Variants in HS6ST3 observed in about 807,000 individuals in gnomAD.
HS6ST3 encodes heparan sulfate 6-O-sulfotransferase 3, also known as heparan-sulfate 6-O-sulfotransferase 3.
A neutral mutation model predicts 36.7 loss-of-function variants in HS6ST3; 12 were observed. The observed-to-expected ratio is 0.33, with a 90% CI of 0.21 to 0.53. The LOEUF (loss-of-function observed/expected upper bound fraction) is 0.53, where lower values mean the gene tolerates loss of function less well. HS6ST3 is among the 20% of genes least tolerant of loss of function. HS6ST3 has a pLI of 0.95. For missense variants in HS6ST3, 584 were observed against 640.9 expected (o/e 0.91, Z 0.96); for synonymous variants, 240 against 257.5 (o/e 0.93, Z 0.65).
At chr13:96,151,687 C>T (rs1338438956) in intron 1 of HS6ST3, among the ~76,000 whole-genome samples, 2 of 152,170 alleles carry the variant, frequency 1.3e-5, no homozygotes, top group African/African-American at 2.4e-5. Context: ...ACCAAGGTGT[C>T]GGCAGGGCCA....
chr13:96,522,523 C>G (rs1268545460), intron 1 of HS6ST3, among the ~76,000 whole-genome samples: 1 of 152,174 alleles, frequency 6.6e-6, no homozygotes, highest in Non-Finnish European at 1.5e-5. Flanking sequence ...CTTTATGAAT[C>G]TGGGTGCTCC....
intron 1 of HS6ST3, among the ~76,000 whole-genome samples, chr13:96,306,602 T>C (rs944292026): frequency 2.6e-5 from 4 of 152,140 alleles, no homozygotes; most frequent in African/African-American, 7.2e-5. Context: ...TGCTCATAAG[T>C]TCTTTATCCT....
Position 96,588,816 on chromosome 13 carries a change from G to A in HS6ST3, c.708-243674G>A, listed in dbSNP as rs75303734. 9.5e-3 allele frequency among the ~76,000 whole-genome samples: 1,451 copies of A among 152,062 alleles called. 26 individuals are homozygous for A. Among genetic ancestry groups the A allele is most frequent in the African/African-American group, 0.032 (1,348 of 41,502 alleles). On this transcript the variant is annotated intron_variant, in intron 1 of 1. Transcript: ENST00000376705. ...TGTAATTCTGGCACTTTGGGAAGCC[G>A]AGGCAAGTGGATTGCTTGATCCCAG...
intron 1 of HS6ST3, among the ~76,000 whole-genome samples, chr13:96,245,400 CA>C (rs2054579996): frequency 6.6e-6 from 1 of 152,128 alleles, no homozygotes; most frequent in Non-Finnish European, 1.5e-5. Flanking sequence ...TTATTTTTTC[CA>C]TCTCAAGTCT....
chr13:96,614,309 A>C lies in HS6ST3; in HGVS notation c.708-218181A>C, dbSNP rs1256626112. Among the ~76,000 whole-genome samples the C allele has an allele frequency of 3.6e-3, 531 of 149,244 alleles. 7 individuals are homozygous for C. The highest frequency in any genetic ancestry group is 6.9e-3 in the Middle Eastern group (2 of 290). ...CAAGGATCCATCTCAAAAAAAAAAA[A>C]AAAAAAAAAAAAAAAAAAACAGTTA... On this transcript the variant is annotated intron_variant, in intron 1 of 1. Coordinates refer to ENST00000376705, the MANE Select transcript of HS6ST3 (RefSeq NM_153456.4).
intron 1 of HS6ST3, among the ~76,000 whole-genome samples, chr13:96,245,401 A>T (rs983423804): frequency 6.6e-6 from 1 of 152,136 alleles, no homozygotes; most frequent in African/African-American, 2.4e-5. Context: ...TATTTTTTCC[A>T]TCTCAAGTCT....
intron 1 of HS6ST3, among the ~76,000 whole-genome samples, chr13:96,370,951 C>T (rs1045605886): frequency 6.6e-6 from 1 of 152,030 alleles, no homozygotes; most frequent in African/African-American, 2.4e-5. Flanking sequence ...TACTCTATGC[C>T]TGTATTACTA....
intron 1 of HS6ST3, among the ~76,000 whole-genome samples, chr13:96,498,058 CA>C (rs1379835841): frequency 6.6e-6 from 1 of 152,132 alleles, no homozygotes; most frequent in East Asian, 1.9e-4. Flanking sequence ...GATGCTTTTA[CA>C]GGGGTAGAAA....
intron 1 of HS6ST3, among the ~76,000 whole-genome samples, chr13:96,780,219 G>C (rs960650558): frequency 6.6e-6 from 1 of 152,200 alleles, no homozygotes; most frequent in Non-Finnish European, 1.5e-5. Flanking sequence ...TCCATGCAGA[G>C]AGACTGATGG....
intron 1 of HS6ST3, among the ~76,000 whole-genome samples, chr13:96,607,578 T>C (rs1242737439): frequency 6.6e-6 from 1 of 152,208 alleles, no homozygotes; most frequent in African/African-American, 2.4e-5. Context: ...GATGGCCATA[T>C]GAACTGAGAG....
chr13:96,681,051 G>A (rs1467915541), intron 1 of HS6ST3, among the ~76,000 whole-genome samples: 1 of 152,174 alleles, frequency 6.6e-6, no homozygotes, highest in Non-Finnish European at 1.5e-5. Flanking sequence ...CTCAAAACGT[G>A]CCATATAGAT....
intron 1 of HS6ST3, among the ~76,000 whole-genome samples, chr13:96,284,648 C>T (rs1307999412): frequency 1.3e-5 from 2 of 152,148 alleles, no homozygotes; most frequent in African/African-American, 4.8e-5. Context: ...CACCCAGGAA[C>T]AGTACTTTGC....
intron 1 of HS6ST3, among the ~76,000 whole-genome samples, chr13:96,332,277 A>C (rs373039795): frequency 6.6e-6 from 1 of 152,192 alleles, no homozygotes; most frequent in Non-Finnish European, 1.5e-5. Context: ...GTTACACAAC[A>C]GTTTTGTAGA....
intron 1 of HS6ST3, among the ~76,000 whole-genome samples, chr13:96,108,869 C>A (rs1001677001): frequency 7.2e-5 from 11 of 152,130 alleles, no homozygotes; most frequent in Admixed American, 5.2e-4. Flanking sequence ...CCTTCAGTAT[C>A]CCATCAGGTG....
At chr13:96,155,761 A>C (rs190403493) in intron 1 of HS6ST3, among the ~76,000 whole-genome samples, 1 of 152,208 alleles carries the variant, frequency 6.6e-6, no homozygotes, top group Admixed American at 6.5e-5. Flanking sequence ...GTCAAAATAT[A>C]TGAAATTTTG....
chr13:96,270,189 G>A (rs1276206186), intron 1 of HS6ST3, among the ~76,000 whole-genome samples: 2 of 151,774 alleles, frequency 1.3e-5, no homozygotes, highest in Admixed American at 1.3e-4. Context: ...TGCACAAAGA[G>A]GTCATGTGAG....
chr13:96,492,652 A>G (rs555637383), intron 1 of HS6ST3, among the ~76,000 whole-genome samples: 1 of 152,264 alleles, frequency 6.6e-6, no homozygotes, highest in African/African-American at 2.4e-5. Context: ...ACCCTAATAC[A>G]TATTTGAGGG....
chr13:96,483,040 A>T (rs2055897028), intron 1 of HS6ST3, among the ~76,000 whole-genome samples: 1 of 152,218 alleles, frequency 6.6e-6, no homozygotes, highest in South Asian at 2.1e-4. Context: ...AAATAATATG[A>T]ATGCAAAAGC....
Position 96,642,517 on chromosome 13 carries a change from A to G in HS6ST3, c.708-189973A>G, listed in dbSNP as rs543113968. On this transcript the variant is annotated intron_variant, in intron 1 of 1. Coordinates refer to ENST00000376705, the MANE Select transcript of HS6ST3 (RefSeq NM_153456.4). ...TTTCCTCCTTTATTTTGGGACTCCC[A>G]GTATGTACACATTGGTTCACTTGAT... 1.6e-4 allele frequency among the ~76,000 whole-genome samples: 25 copies of G among 151,970 alleles called. No homozygotes were observed. The East Asian group carries it at 4.9e-3, about 29-fold the overall frequency.
Sources: gnomAD v4.1 joint callset for allele counts (sites outside exome capture counted in the v4.1 genomes callset) on GRCh38, gnomAD v4.1.1 for gene constraint, MANE v1.5 for transcripts, NCBI Gene and HGNC (gene_info 2026-07-23, HGNC 2026-07-21) for gene names.